Variants in DMXL2 observed in about 807,000 individuals in gnomAD.
DMXL2 encodes the protein dmX-like protein 2.
DMXL2 carries 103 observed loss-of-function variants against 331.1 expected under a neutral mutation model. The observed-to-expected ratio is 0.31, with a 90% confidence interval of 0.27 to 0.37. The LOEUF is 0.37. Ranked by LOEUF, DMXL2 falls within the 10% of genes least tolerant of loss-of-function variation. The pLI is 1.00. For synonymous variants in DMXL2, 1,281 were observed against 1,252.1 expected (o/e 1.02, Z -0.49); for missense variants, 3,171 against 3,642.9 (o/e 0.87, Z 3.33).
Position 51,499,811 on chromosome 15 carries a change from C to T in DMXL2, c.3413G>A (p.Arg1138Lys). The change falls in exon 18 of 44, where the codon AGG becomes AAG. Residue 1138 changes from arginine to lysine, a missense_variant. This residue lies in a region of DMXL2 where 1,674 missense variants were observed against 1,780.2 expected (regional missense o/e 0.94). Coordinates refer to ENST00000560891, the MANE Select transcript of DMXL2 (RefSeq NM_001378457.1). ...AAACAGATTACTGTCGACGCTGACC[C>T]TTGAATCAAGTACACTCCCAACCTT... ...LVKVGSVLDS[R>K]VSVDSNLFVY... is the part of the protein sequence containing the mutation. 1.2e-6 allele frequency: 2 copies of T among 1,614,170 alleles called. No homozygotes were observed. The highest frequency in any genetic ancestry group is 1.7e-6 in the Non-Finnish European group (2 of 1,180,024).
chr15:51,588,346 A>G (rs1267385816), intron 1 of DMXL2, among the ~76,000 whole-genome samples: 2 of 151,938 alleles, frequency 1.3e-5, no homozygotes, highest in Admixed American at 6.6e-5. Context: ...TTTGGTAGAG[A>G]TAGTATTTCA....
At chr15:51,522,884 A>C (rs1450746401) in intron 13 of DMXL2, among the ~76,000 whole-genome samples, 1 of 152,166 alleles carries the variant, frequency 6.6e-6, no homozygotes, top group Admixed American at 6.5e-5. Flanking sequence ...CCCACTTTAG[A>C]TCAGGTTTGT....
rs769093211 is a variant in DMXL2, at chr15:51,563,414, A to C, written c.534T>G (p.Ser178=). 6.2e-7 allele frequency: 1 copy of C among 1,609,820 alleles called. No homozygotes were observed. Residue 178 remains serine, a synonymous_variant, in exon 6 of 44, where the codon TCT becomes TCG. Transcript: ENST00000560891. The part of the protein sequence containing the change: ...TSVSVHLMEW[S]PDGEYFATAG... Reference sequence around the variant, plus strand: ...CAGTAGCAAAATATTCACCATCAGGAGACCATTCCATCAAATGTACAGATA... The same window carrying C: ...CAGTAGCAAAATATTCACCATCAGGCGACCATTCCATCAAATGTACAGATA...
At position 51,459,661 on chromosome 15, in the gene DMXL2, C is replaced by A; in HGVS notation, c.7927-1G>T. ...CCTGCTCCACATGTTCTTCTATAGA[C>A]TAAATACCACCACACCGTCACAAAC... On this transcript the variant is annotated splice_acceptor_variant, in intron 33 of 43. Coordinates refer to ENST00000560891, the MANE Select transcript of DMXL2 (RefSeq NM_001378457.1). LOFTEE classifies it high-confidence loss of function. 1 of 1,289,678 alleles carries A rather than the reference C, an allele frequency of 7.8e-7. No homozygotes were observed. The highest frequency in any genetic ancestry group is 1.0e-6 in the Non-Finnish European group (1 of 988,796). 79.9% of individuals were successfully genotyped at this position (1,289,678 alleles called of 1,614,324 possible).
chr15:51,582,366 A>G (rs1376059013), intron 1 of DMXL2, among the ~76,000 whole-genome samples: 1 of 152,064 alleles, frequency 6.6e-6, no homozygotes, highest in Non-Finnish European at 1.5e-5. Flanking sequence ...CTGTTGCTCA[A>G]ATTTTTTGCT....
chr15:51,539,127 T>C (rs1477028822), intron 9 of DMXL2, among the ~76,000 whole-genome samples: 1 of 151,810 alleles, frequency 6.6e-6, no homozygotes, highest in East Asian at 1.9e-4. Flanking sequence ...GGAGAATTGC[T>C]TGAACCCGGG....
At chr15:51,596,066 A>C (rs1193297428) in intron 1 of DMXL2, among the ~76,000 whole-genome samples, 4 of 152,244 alleles carry the variant, frequency 2.6e-5, no homozygotes, top group Non-Finnish European at 1.5e-5. Flanking sequence ...CAAAATTGAC[A>C]AAAGGGATCT....
chr15:51,464,441 A>T (rs1239696718), intron 32 of DMXL2, among the ~76,000 whole-genome samples: 1 of 152,186 alleles, frequency 6.6e-6, no homozygotes, highest in Non-Finnish European at 1.5e-5. Flanking sequence ...CCACACCGGA[A>T]ATTAATACAA....
rs952029451 is a variant in DMXL2 at position 51,499,935 on chromosome 15, A to C, written c.3289T>G (p.Ser1097Ala). The C allele has an allele frequency of 6.2e-7, 1 of 1,613,984 alleles. No individual in the cohort carries two copies. The highest frequency in any genetic ancestry group is 8.5e-7 in the Non-Finnish European group (1 of 1,179,998). ...KQPIHHNGFV[S>A]KEFSMHVCIF... ...CAAACATGCATGGAAAATTCTTTAGAAACAAAACCATTATGGTGGATAGGC... is the reference window on the plus strand; with the variant it reads ...CAAACATGCATGGAAAATTCTTTAGCAACAAAACCATTATGGTGGATAGGC... The change falls in exon 18 of 44, where the codon TCT becomes GCT. Residue 1097 changes from serine to alanine, a missense_variant. By Grantham distance (99) the Ser-to-Ala change is moderately conservative (BLOSUM62 1). This residue lies in a region of DMXL2 where 1,674 missense variants were observed against 1,780.2 expected (regional missense o/e 0.94). Transcript: ENST00000560891.
chr15:51,515,680 C>A (rs1271357896), intron 14 of DMXL2, among the ~76,000 whole-genome samples: 1 of 152,048 alleles, frequency 6.6e-6, no homozygotes, highest in Non-Finnish European at 1.5e-5. Flanking sequence ...AGTTTACCAG[C>A]CCCTGTGTTA....
At chr15:51,576,886 A>G (rs1310018100) in intron 1 of DMXL2, among the ~76,000 whole-genome samples, 1 of 152,214 alleles carries the variant, frequency 6.6e-6, no homozygotes, top group Non-Finnish European at 1.5e-5. Context: ...TTGGGCAAAT[A>G]CCACTATATG....
At chr15:51,539,579 C>T (rs1426656828) in intron 9 of DMXL2, among the ~76,000 whole-genome samples, 2 of 152,018 alleles carry the variant, frequency 1.3e-5, no homozygotes, top group African/African-American at 4.8e-5. Flanking sequence ...AAGGCCAAGG[C>T]GGGAGGATCG....
At chr15:51,596,278 C>G (rs972481195) in intron 1 of DMXL2, among the ~76,000 whole-genome samples, 40 of 152,196 alleles carry the variant, frequency 2.6e-4, no homozygotes, top group Non-Finnish European at 5.6e-4. Context: ...ACAGACACTT[C>G]TCAAAAGAAG....
At chr15:51,510,309 A>C (rs1277871822) in intron 15 of DMXL2, among the ~76,000 whole-genome samples, 2 of 152,148 alleles carry the variant, frequency 1.3e-5, no homozygotes, top group East Asian at 1.9e-4. Context: ...TAGAAAACCC[A>C]ATCGTCTCAG....
chr15:51,592,803 C>A (rs1244221427), intron 1 of DMXL2, among the ~76,000 whole-genome samples: 1 of 126,556 alleles, frequency 7.9e-6, no homozygotes, highest in East Asian at 2.3e-4. Flanking sequence ...AATTTCATAT[C>A]CAGCCAAACT....
At chr15:51,539,626 C>G (rs1176798039) in intron 9 of DMXL2, among the ~76,000 whole-genome samples, 1 of 151,904 alleles carries the variant, frequency 6.6e-6, no homozygotes, top group African/African-American at 2.4e-5. Flanking sequence ...CTGGGAAACA[C>G]AGCGAGACAC....
At chr15:51,540,808 G>A (rs894659115) in intron 9 of DMXL2, among the ~76,000 whole-genome samples, 6 of 152,156 alleles carry the variant, frequency 3.9e-5, no homozygotes, top group South Asian at 2.1e-4. Context: ...AAGTTAGGAT[G>A]AGCATGGATA....
At chr15:51,574,244 T>C (rs971405978) in intron 2 of DMXL2, among the ~76,000 whole-genome samples, 1 of 152,120 alleles carries the variant, frequency 6.6e-6, no homozygotes, top group Non-Finnish European at 1.5e-5. Context: ...AGAAAAGACA[T>C]AAATCCCTCT....
At chr15:51,580,106 G>C (rs2051308909) in intron 1 of DMXL2, among the ~76,000 whole-genome samples, 1 of 152,066 alleles carries the variant, frequency 6.6e-6, no homozygotes, top group Admixed American at 6.6e-5. Context: ...CCACATCATG[G>C]AGCACAGAAT....
Sources: allele counts gnomAD v4.1 joint callset (sites outside exome capture counted in the v4.1 genomes callset), GRCh38; gene constraint gnomAD v4.1.1; regional missense constraint gnomAD v4.1.1; transcripts MANE v1.5; gene names NCBI Gene and HGNC (gene_info 2026-07-23, HGNC 2026-07-21).